Variants in CCDC91 observed in about 807,000 individuals in gnomAD.
CCDC91 encodes coiled-coil domain containing 91, also known as coiled-coil domain-containing protein 91.
In CCDC91, 48 loss-of-function variants were observed where a neutral mutation model predicts 63.2. The ratio of observed to expected loss-of-function variants is 0.76; its 90% confidence interval spans 0.60 to 0.97. CCDC91 has a LOEUF of 0.97. Ranked by LOEUF, CCDC91 falls within the 50% of genes least tolerant of loss-of-function variation. CCDC91 has a pLI of 0.00. For missense variants in CCDC91, 500 were observed against 494.6 expected, an observed-to-expected ratio of 1.01 and a Z score of -0.10; for synonymous variants, 167 against 165.8, an observed-to-expected ratio of 1.01 and a Z score of -0.06.
Position 28,288,322 on chromosome 12 carries a change from G to C in CCDC91, c.110-17327G>C, listed in dbSNP as rs1201984629. Among the ~76,000 whole-genome samples the C allele has an allele frequency of 2.6e-5, 4 of 152,194 alleles. No individual in the cohort carries two copies. In the South Asian group the frequency reaches 8.3e-4, roughly 32 times the overall value. On this transcript the variant is annotated intron_variant, in intron 3 of 12. Transcript: ENST00000536442. ...CTTTCAGCTTTTGTCCATTCAGTAT[G>C]ATGTTGGCTGTGGGTTTGTCATGTG... is the stretch of plus-strand genomic sequence containing the variant.
At chr12:28,363,402 C>T (rs1944030618) in intron 7 of CCDC91, among the ~76,000 whole-genome samples, 1 of 152,038 alleles carries the variant, frequency 6.6e-6, no homozygotes, top group Admixed American at 6.6e-5. Context: ...TATAAATATA[C>T]CATAATTTGT....
intron 3 of CCDC91, among the ~76,000 whole-genome samples, chr12:28,260,714 A>G (rs76072884): frequency 0.02 from 2,998 of 152,022 alleles, 111 homozygotes; most frequent in African/African-American, 0.07. Context: ...GGGGCATAGT[A>G]TCTGGCTTAT....
At chr12:28,453,174 C>T (rs1465059228) in intron 11 of CCDC91, among the ~76,000 whole-genome samples, 1 of 151,926 alleles carries the variant, frequency 6.6e-6, no homozygotes, top group Non-Finnish European at 1.5e-5. Flanking sequence ...CAGGCATGAC[C>T]TACATGCAGA....
chr12:28,462,010 A>C (rs536238810), intron 11 of CCDC91, among the ~76,000 whole-genome samples: 1 of 152,152 alleles, frequency 6.6e-6, no homozygotes, highest in East Asian at 1.9e-4. Flanking sequence ...CAAACTGTGT[A>C]TCAAGAGAGG....
chr12:28,240,030 A>G (rs971410670), intron 1 of CCDC91, among the ~76,000 whole-genome samples: 1 of 152,182 alleles, frequency 6.6e-6, no homozygotes, highest in Admixed American at 6.5e-5. Context: ...GTAATTTTGC[A>G]TAGGCATTGG....
chr12:28,201,671 G>A (rs972886022), intron 1 of CCDC91, among the ~76,000 whole-genome samples: 2 of 145,486 alleles, frequency 1.4e-5, no homozygotes, highest in African/African-American at 5.0e-5. Context: ...GGAGGCCAAG[G>A]CAGGCGGCTG....
At chr12:28,508,090 CTGGAGAAA>C (rs1394257223) in intron 12 of CCDC91, among the ~76,000 whole-genome samples, 1 of 151,878 alleles carries the variant, frequency 6.6e-6, no homozygotes, top group Non-Finnish European at 1.5e-5. Context: ...CTTCCAGCAG[CTGGAGAAA>C]TTAGTACATT....
At position 28,410,508 on chromosome 12, in the gene CCDC91, T is replaced by TTTTG. The variant is rs148780583; in HGVS notation, c.762+19121_762+19124dup. 1.6e-3 allele frequency among the ~76,000 whole-genome samples: 240 copies of TTTTG among 152,092 alleles called. 4 individuals are homozygous for TTTTG. The East Asian group carries it at 0.035, about 22-fold the overall frequency. On this transcript the variant is annotated intron_variant, in intron 8 of 12. Coordinates refer to ENST00000536442, the MANE Select transcript of CCDC91 (RefSeq NM_018318.5). The stretch of plus-strand genomic sequence containing the variant: ...TAGCTTTTAATTGTGTGTATGTGTT[T>TTTTG]TTTGTTTGTTTGTTTGTTTGTTTGT...
At position 28,305,816 on chromosome 12, in the gene CCDC91, A is replaced by C. The variant is rs1938660819; in HGVS notation, c.267+10A>C. 5 of 1,598,986 alleles carry C rather than the reference A, an allele frequency of 3.1e-6. No individual in the cohort carries two copies. In the African/African-American group the frequency reaches 5.4e-5, roughly 17 times the overall value. ...TATTCCAAAAGCACAGGTAAAGACA[A>C]ACATATTTTTAAAGGAGGTTTGCAT... is the stretch of plus-strand genomic sequence containing the variant. On this transcript the variant is annotated intron_variant, in intron 4 of 12. Coordinates refer to ENST00000536442, the MANE Select transcript of CCDC91 (RefSeq NM_018318.5).
intron 8 of CCDC91, among the ~76,000 whole-genome samples, chr12:28,410,937 T>C (rs1397493809): frequency 6.6e-6 from 1 of 152,194 alleles, no homozygotes; most frequent in Non-Finnish European, 1.5e-5. Context: ...TATTCCCTCA[T>C]GTTTTTTTGC....
intron 12 of CCDC91, among the ~76,000 whole-genome samples, chr12:28,540,155 T>C (rs1942520936): frequency 6.6e-6 from 1 of 152,140 alleles, no homozygotes. Flanking sequence ...TCTTTATGCG[T>C]GTTTCTCCTT....
At chr12:28,326,817 T>TC (rs1191549604) in intron 6 of CCDC91, among the ~76,000 whole-genome samples, 1 of 151,490 alleles carries the variant, frequency 6.6e-6, no homozygotes, top group East Asian at 2.0e-4. Flanking sequence ...ACAAAGCAGG[T>TC]CCCCCCCAAA....
chr12:28,430,288 T>A (rs1948560568), intron 8 of CCDC91, among the ~76,000 whole-genome samples: 1 of 151,960 alleles, frequency 6.6e-6, no homozygotes, highest in Non-Finnish European at 1.5e-5. Flanking sequence ...AAAATAAGTG[T>A]TTTGACTTAC....
At chr12:28,268,036 TAATTAAA>T (rs1342357854) in intron 3 of CCDC91, among the ~76,000 whole-genome samples, 18 of 135,550 alleles carry the variant, frequency 1.3e-4, no homozygotes, top group African/African-American at 2.2e-4. Flanking sequence ...TATTAATTAT[TAATTAAA>T]AATTAAAAAT....
intron 3 of CCDC91, among the ~76,000 whole-genome samples, chr12:28,260,668 CTA>C (rs1825617665): frequency 6.6e-6 from 1 of 151,900 alleles, no homozygotes; most frequent in Admixed American, 6.6e-5. Flanking sequence ...GGGTTAGCCA[CTA>C]TGTCTGTTTG....
intron 6 of CCDC91, among the ~76,000 whole-genome samples, chr12:28,321,619 A>T (rs1273252191): frequency 6.6e-6 from 1 of 151,844 alleles, no homozygotes; most frequent in Non-Finnish European, 1.5e-5. Context: ...TAGACATCAG[A>T]GAACTTGTTG....
intron 1 of CCDC91, chr12:28,236,419 T>G (rs1944952406): frequency 6.6e-6 from 1 of 152,238 alleles, no homozygotes; most frequent in South Asian, 2.1e-4. Context: ...TGTAATCTTT[T>G]TCTGTTTAAT....
At chr12:28,348,976 G>C (rs1943003389) in intron 6 of CCDC91, among the ~76,000 whole-genome samples, 1 of 152,074 alleles carries the variant, frequency 6.6e-6, no homozygotes, top group South Asian at 2.1e-4. Context: ...CACCCACCTT[G>C]GCCTCCCAAA....
At chr12:28,203,774 A>G (rs1176845673) in intron 1 of CCDC91, among the ~76,000 whole-genome samples, 2 of 152,210 alleles carry the variant, frequency 1.3e-5, no homozygotes, top group Non-Finnish European at 2.9e-5. Context: ...ATTATTAGCC[A>G]TTATGTAATT....
Sources: gnomAD v4.1 joint callset for allele counts (sites outside exome capture counted in the v4.1 genomes callset) on GRCh38, gnomAD v4.1.1 for gene constraint, MANE v1.5 for transcripts, NCBI Gene and HGNC (gene_info 2026-07-23, HGNC 2026-07-21) for gene names.